FLYWCH1: variants seen among roughly 807,000 people sequenced by gnomAD.
The protein encoded by FLYWCH1 is FLYWCH-type zinc finger 1.
A neutral mutation model predicts 66.4 loss-of-function variants in FLYWCH1; 75 were observed. That is an observed-to-expected ratio of 1.13 (90% CI 0.94 to 1.37). The LOEUF (loss-of-function observed/expected upper bound fraction) is 1.37. Ranked by LOEUF, FLYWCH1 falls within the 40% of genes most tolerant of loss-of-function variation. FLYWCH1 has a pLI of 0.00. For missense variants in FLYWCH1, 1,334 were observed against 1,001.8 expected (o/e 1.33, Z -4.48); for synonymous variants, 595 against 429.9 (o/e 1.38, Z -4.75).
intron 2 of FLYWCH1, among the ~76,000 whole-genome samples, chr16:2,917,022 A>C (rs1345761052): frequency 1.3e-5 from 2 of 150,220 alleles, no homozygotes; most frequent in East Asian, 2.0e-4. Context: ...CAGGCGTGGT[A>C]GCGCGCACCT....
intron 4 of FLYWCH1, among the ~76,000 whole-genome samples, chr16:2,931,947 A>G (rs979040842): frequency 1.3e-5 from 2 of 152,098 alleles, no homozygotes; most frequent in East Asian, 3.9e-4. Flanking sequence ...CCCTGTCTCT[A>G]CTAAAAAAAT....
At chr16:2,944,836 AT>A (rs35179331) in intron 9 of FLYWCH1, among the ~76,000 whole-genome samples, 46 of 142,734 alleles carry the variant, frequency 3.2e-4, no homozygotes, top group Admixed American at 4.7e-4. Flanking sequence ...AAAAAAAAAA[AT>A]TTTTTTTAAC....
intron 9 of FLYWCH1, among the ~76,000 whole-genome samples, chr16:2,941,652 G>C (rs572844451): frequency 6.6e-6 from 1 of 151,738 alleles, no homozygotes; most frequent in Non-Finnish European, 1.5e-5. Context: ...TAGGGTGGGA[G>C]GATCGCTTGA....
In FLYWCH1 at chr16:2,937,346, G is replaced by A. The variant is rs758362091; in HGVS notation, c.1739G>A (p.Arg580Gln). The stretch of plus-strand genomic sequence containing the variant: ...GGCGGCCTGGAGGCCCTGCGGCAGC[G>A]GGAGCACTTCCCCAACCTGGCGCAG... ...DLGGLEALRQ[R>Q]EHFPNLAQWD... The change falls in exon 7 of 10, where the codon CGG becomes CAG. Residue 580 changes from arginine to glutamine, a missense_variant. Coordinates refer to ENST00000253928, the MANE Select transcript of FLYWCH1 (RefSeq NM_001308068.2). 61 of 1,593,606 alleles carry A rather than the reference G, an allele frequency of 3.8e-5. No homozygotes were observed. Among genetic ancestry groups the A allele is most frequent in the East Asian group, 1.3e-4 (6 of 44,488 alleles).
chr16:2,925,781 C>G lies in FLYWCH1; in HGVS notation c.-73-3832C>G, dbSNP rs1040948893. Among the ~76,000 whole-genome samples the G allele has an allele frequency of 7.2e-5, 11 of 152,170 alleles. No individual in the cohort carries two copies. The South Asian group carries it at 2.3e-3, about 32-fold the overall frequency. On this transcript the variant is annotated intron_variant, in intron 2 of 9. Transcript: ENST00000253928. ...GTGGTGGGACTGGCCCTCCTGGTAC[C>G]TGTGATTTCCTGGGGACCGGGCCTT...
chr16:2,912,279 A>C (rs1174938866), intron 1 of FLYWCH1, 125 bp downstream of exon 1: 1 of 152,296 alleles, frequency 6.6e-6, no homozygotes, highest in Admixed American at 6.5e-5. Context: ...CCCGGCGCTC[A>C]GGCCGCCTCC....
intron 8 of FLYWCH1, 142 bp downstream of exon 8, chr16:2,938,598 C>A: frequency 1.5e-6 from 1 of 665,108 alleles, no homozygotes; most frequent in Non-Finnish European, 2.2e-6. Context: ...GAATGTGAAA[C>A]CAGTCTTTGT....
chr16:2,924,527 A>G (rs2070488720), intron 2 of FLYWCH1, among the ~76,000 whole-genome samples: 1 of 152,162 alleles, frequency 6.6e-6, no homozygotes, highest in African/African-American at 2.4e-5. Flanking sequence ...TGCAGGGTAC[A>G]AGGTGGTTTC....
intron 4 of FLYWCH1, among the ~76,000 whole-genome samples, chr16:2,931,917 T>C (rs1310654471): frequency 3.3e-5 from 5 of 151,666 alleles, no homozygotes; most frequent in Non-Finnish European, 7.4e-5. Flanking sequence ...ATTGAGACCA[T>C]CCTGGCTAAC....
At chr16:2,935,957 T>TGGA in intron 6 of FLYWCH1, 1 of 154,804 alleles carries the variant, frequency 6.5e-6, no homozygotes, top group African/African-American at 2.4e-5. Flanking sequence ...TCGCCCAGGC[T>TGGA]GGAGTGTAGT....
At chr16:2,933,635 G>T in intron 5 of FLYWCH1, 53 bp downstream of exon 5, 1 of 1,558,790 alleles carries the variant, frequency 6.4e-7, no homozygotes, top group Non-Finnish European at 8.7e-7. Context: ...CTTGCCTCCA[G>T]AGGTCCAGGG....
At chr16:2,935,630 G>T (rs535878017) in intron 6 of FLYWCH1, 2 of 152,016 alleles carry the variant, frequency 1.3e-5, no homozygotes, top group Non-Finnish European at 2.9e-5. Context: ...TCCCTCCGCC[G>T]GAGGGGCAGC....
chr16:2,929,487 G>C lies in FLYWCH1; in HGVS notation c.-73-126G>C, dbSNP rs547442281. Reference sequence around the variant, plus strand: ...CAGAGCAGAAGCCTAGTTCCATCAGGCCCCCGGCCAGTCTTGGCCCCAGCG... The same window carrying C: ...CAGAGCAGAAGCCTAGTTCCATCAGCCCCCCGGCCAGTCTTGGCCCCAGCG... On this transcript the variant is annotated intron_variant, in intron 2 of 9. Coordinates refer to ENST00000253928, the MANE Select transcript of FLYWCH1 (RefSeq NM_001308068.2). The C allele has an allele frequency of 1.5e-3, 1,021 of 670,806 alleles. 1 individual carries two copies. The highest frequency in any genetic ancestry group is 2.2e-3 in the Non-Finnish European group (891 of 405,216). 41.6% of individuals were successfully genotyped at this position (670,806 alleles called of 1,614,324 possible).
chr16:2,934,681 T>G (rs1031802851), intron 6 of FLYWCH1: 8 of 456,710 alleles, frequency 1.8e-5, no homozygotes, highest in African/African-American at 1.6e-4. Context: ...AGTTGCCTCA[T>G]GGCCCTAAAG....
At chr16:2,941,848 C>A (rs113771932) in intron 9 of FLYWCH1, among the ~76,000 whole-genome samples, 3 of 151,610 alleles carry the variant, frequency 2.0e-5, no homozygotes. Flanking sequence ...TGGTGAAACC[C>A]CATCTCTACT....
chr16:2,927,199 C>A (rs1055501657), intron 2 of FLYWCH1, among the ~76,000 whole-genome samples: 5 of 152,086 alleles, frequency 3.3e-5, no homozygotes, highest in Admixed American at 2.0e-4. Context: ...TGTCCTCAGC[C>A]GCCCACTATG....
Position 2,937,359 on chromosome 16 carries a change from C to G in FLYWCH1, c.1752C>G (p.Pro584=), listed in dbSNP as rs973715384. The G allele has an allele frequency of 6.3e-7, 1 of 1,582,506 alleles. No homozygotes were observed. The highest frequency in any genetic ancestry group is 8.6e-7 in the Non-Finnish European group (1 of 1,165,528). The part of the protein sequence containing the change: ...LEALRQREHF[P]NLAQWDSPDP... ...CCCTGCGGCAGCGGGAGCACTTCCC[C>G]AACCTGGCGCAGTGGGACAGCCCAG... is the stretch of plus-strand genomic sequence containing the variant. The change falls in exon 7 of 10, where the codon CCC becomes CCG. Residue 584 remains proline (P), a synonymous_variant. Transcript: ENST00000253928.
At chr16:2,934,726 C>G (rs920221314) in intron 6 of FLYWCH1, 1 of 453,764 alleles carries the variant, frequency 2.2e-6, no homozygotes, top group Non-Finnish European at 4.4e-6. Flanking sequence ...TTGTCTTTCT[C>G]TTTTTGTTCC....
In FLYWCH1 at chr16:2,938,107, G is replaced by A. The variant is rs138029910; in HGVS notation, c.1778-77G>A. 6 of 1,424,448 alleles carry A rather than the reference G, an allele frequency of 4.2e-6. No individual in the cohort carries two copies. In the African/African-American group the frequency reaches 4.3e-5, roughly 10 times the overall value. The allele number at this position is 1,424,448 out of a possible 1,614,324, so 88.2% of individuals were successfully genotyped here. A position where few individuals can be genotyped will look rare whatever the true frequency, so the allele number is the denominator to read the frequency against. ...CGCAGATTCCTGGTGGGGCCTGGCTGGGGGATACAAATCAGACCCCCAGCC... is the reference window on the plus strand; with the variant it reads ...CGCAGATTCCTGGTGGGGCCTGGCTAGGGGATACAAATCAGACCCCCAGCC... On this transcript the variant is annotated intron_variant, in intron 7 of 9. Coordinates refer to ENST00000253928, the MANE Select transcript of FLYWCH1 (RefSeq NM_001308068.2).
Sources: gnomAD v4.1 joint callset for allele counts (sites outside exome capture counted in the v4.1 genomes callset) on GRCh38, gnomAD v4.1.1 for gene constraint, MANE v1.5 for transcripts, NCBI Gene and HGNC (gene_info 2026-07-23, HGNC 2026-07-21) for gene names.